Variants in DLG2 observed in about 807,000 individuals in gnomAD.
DLG2 encodes discs large MAGUK scaffold protein 2, also known as disks large homolog 2.
In DLG2, 45 loss-of-function variants were observed where a neutral mutation model predicts 132.5. The ratio of observed to expected loss-of-function variants is 0.34; its 90% CI spans 0.27 to 0.44. The LOEUF is 0.44. DLG2 is among the 20% of genes least tolerant of loss of function. The pLI is 1.00. For missense variants in DLG2, 1,045 were observed against 1,196.9 expected (o/e 0.87, Z 1.87); for synonymous variants, 424 against 419.6 (o/e 1.01, Z -0.13).
chr11:85,056,987 G>A (rs1266147136), intron 6 of DLG2, among the ~76,000 whole-genome samples: 1 of 151,798 alleles, frequency 6.6e-6, no homozygotes, highest in Admixed American at 6.6e-5. Context: ...CTGGAAGGAA[G>A]CAGAAACATA....
chr11:84,026,152 A>T (rs1390231113), intron 11 of DLG2, among the ~76,000 whole-genome samples: 2 of 152,078 alleles, frequency 1.3e-5, no homozygotes, highest in Non-Finnish European at 2.9e-5. Context: ...ACCAAGGCAG[A>T]GTTGTAAGAC....
At chr11:83,976,552 T>C (rs371990251) in intron 12 of DLG2, among the ~76,000 whole-genome samples, 2 of 151,814 alleles carry the variant, frequency 1.3e-5, no homozygotes, top group East Asian at 3.9e-4. Context: ...AATAAATATT[T>C]TTGGGTTGAA....
At chr11:84,136,987 A>AG (rs1230460212) in intron 9 of DLG2, among the ~76,000 whole-genome samples, 3 of 152,184 alleles carry the variant, frequency 2.0e-5, no homozygotes. Flanking sequence ...GAGGCACAGC[A>AG]GAAAAAAAAC....
chr11:83,610,874 C>T (rs2060017415), intron 19 of DLG2, among the ~76,000 whole-genome samples: 1 of 152,124 alleles, frequency 6.6e-6, no homozygotes, highest in Admixed American at 6.5e-5. Context: ...CCAGATCACA[C>T]AACCGGTAAA....
At position 83,930,325 on chromosome 11, in the gene DLG2, T is replaced by C. The variant is rs1376573407; in HGVS notation, c.1496+3A>G. 1 of 1,613,492 alleles carries C rather than the reference T, an allele frequency of 6.2e-7. No homozygotes were observed. The highest frequency in any genetic ancestry group is 8.5e-7 in the Non-Finnish European group (1 of 1,179,780). On this transcript the variant is annotated splice_donor_region_variant and intron_variant, in intron 15 of 27. Transcript: ENST00000376104. ...AGATGAAGTGAGGAAGCGCATGCAG[T>C]ACCTGGTCATCTCAGAGTCAGGTAG...
At chr11:84,195,802 T>G (rs1186544242) in intron 8 of DLG2, among the ~76,000 whole-genome samples, 1 of 152,214 alleles carries the variant, frequency 6.6e-6, no homozygotes, top group Non-Finnish European at 1.5e-5. Context: ...CACTTTTCCT[T>G]GCAGCTTTTA....
chr11:85,514,241 T>C (rs2094132764), intron 3 of DLG2, among the ~76,000 whole-genome samples: 1 of 152,022 alleles, frequency 6.6e-6, no homozygotes. Flanking sequence ...AGTATCCCTG[T>C]TAACAAATGC....
chr11:84,708,533 C>T (rs890970873), intron 6 of DLG2, among the ~76,000 whole-genome samples: 2 of 151,694 alleles, frequency 1.3e-5, no homozygotes, highest in Non-Finnish European at 2.9e-5. Flanking sequence ...TATCTACAGC[C>T]ACATTTTTTT....
chr11:84,645,850 C>T (rs1044202116), intron 6 of DLG2, among the ~76,000 whole-genome samples: 5 of 152,146 alleles, frequency 3.3e-5, no homozygotes, highest in East Asian at 1.9e-4. Context: ...ATTAATTGCA[C>T]GCACTCCAGT....
intron 6 of DLG2, among the ~76,000 whole-genome samples, chr11:85,000,663 T>G (rs2058127972): frequency 6.6e-6 from 1 of 152,212 alleles, no homozygotes; most frequent in Non-Finnish European, 1.5e-5. Context: ...TTGAGAATTG[T>G]CTGCTTCAGA....
chr11:85,509,386 G>C (rs1053706021), intron 3 of DLG2, among the ~76,000 whole-genome samples: 1 of 151,968 alleles, frequency 6.6e-6, no homozygotes, highest in Non-Finnish European at 1.5e-5. Context: ...ATTCTCAAAA[G>C]TTGGGCATTA....
At chr11:83,919,960 T>C (rs2077558933) in intron 15 of DLG2, among the ~76,000 whole-genome samples, 1 of 152,194 alleles carries the variant, frequency 6.6e-6, no homozygotes, top group South Asian at 2.1e-4. Flanking sequence ...TTTGGGTCAA[T>C]TTATTATGTT....
At chr11:85,253,428 G>T (rs1318341167) in intron 4 of DLG2, among the ~76,000 whole-genome samples, 1 of 152,148 alleles carries the variant, frequency 6.6e-6, no homozygotes, top group Non-Finnish European at 1.5e-5. Flanking sequence ...GTGCTGGGAG[G>T]GGTGAACTCC....
intron 11 of DLG2, among the ~76,000 whole-genome samples, chr11:84,043,556 C>T (rs1401188849): frequency 6.6e-6 from 1 of 151,670 alleles, no homozygotes. Flanking sequence ...CTCAAGTAGG[C>T]CCCAGTGTAT....
chr11:84,020,178 G>A (rs941075603), intron 11 of DLG2, among the ~76,000 whole-genome samples: 12 of 152,162 alleles, frequency 7.9e-5, no homozygotes, highest in Admixed American at 5.2e-4. Context: ...ATTTGAGAAG[G>A]CAGAGAATTT....
chr11:85,020,311 GTTGA>G (rs1398710444), intron 6 of DLG2, among the ~76,000 whole-genome samples: 1 of 152,050 alleles, frequency 6.6e-6, no homozygotes, highest in Non-Finnish European at 1.5e-5. Flanking sequence ...TTTTGATGGG[GTTGA>G]TTTTTTCTTG....
intron 9 of DLG2, among the ~76,000 whole-genome samples, chr11:84,130,360 C>T (rs1260063764): frequency 1.3e-5 from 2 of 151,940 alleles, no homozygotes; most frequent in Non-Finnish European, 2.9e-5. Flanking sequence ...CCAACACCTA[C>T]AGTAGGCAAA....
chr11:84,752,673 G>T lies in DLG2; in HGVS notation c.358-217942C>A, dbSNP rs1264991807. Among the ~76,000 whole-genome samples, 11 of 141,638 alleles carry T rather than the reference G, an allele frequency of 7.8e-5. No homozygotes were observed. The South Asian group carries it at 9.4e-4, about 12-fold the overall frequency. 92.9% of individuals were successfully genotyped at this position (141,638 alleles called of 152,430 possible). ...ATGCTGGTGCGCTGCACCCACTAAC[G>T]CGTCATCTAGCATTAGGTATATCTC... On this transcript the variant is annotated intron_variant, in intron 6 of 27. Transcript: ENST00000376104.
At chr11:84,195,428 T>A (rs1197610022) in intron 8 of DLG2, among the ~76,000 whole-genome samples, 1 of 152,144 alleles carries the variant, frequency 6.6e-6, no homozygotes, top group Middle Eastern at 3.2e-3. Context: ...CCTCCCAAAG[T>A]GGTGGGATTA....
Sources: gnomAD v4.1 joint callset for allele counts (sites outside exome capture counted in the v4.1 genomes callset) on GRCh38, gnomAD v4.1.1 for gene constraint, MANE v1.5 for transcripts, NCBI Gene and HGNC (gene_info 2026-07-23, HGNC 2026-07-21) for gene names.